The following NAALADL2 variants were observed in gnomAD, a reference collection of about 807,000 sequenced individuals.
NAALADL2 encodes inactive N-acetylated-alpha-linked acidic dipeptidase-like protein 2.
NAALADL2 carries 76 observed loss-of-function variants against 87.2 expected under a neutral mutation model. The ratio of observed to expected loss-of-function variants is 0.87; its 90% confidence interval spans 0.72 to 1.05. The LOEUF is 1.05. Among genes scored for constraint, NAALADL2 ranks in the 50% least tolerant of loss-of-function variants. NAALADL2 has a pLI of 0.00. For missense variants in NAALADL2, 1,089 were observed against 945.8 expected (o/e 1.15, Z -1.99); for synonymous variants, 354 against 331.0 (o/e 1.07, Z -0.75).
intron 2 of NAALADL2, among the ~76,000 whole-genome samples, chr3:174,610,296 A>G (rs961381990): frequency 3.3e-5 from 5 of 152,024 alleles, no homozygotes; most frequent in African/African-American, 7.2e-5. Context: ...AATAGCAACA[A>G]AAGACAAAAT....
chr3:175,304,326 C>A (rs1412671253), intron 4 of NAALADL2, among the ~76,000 whole-genome samples: 1 of 152,078 alleles, frequency 6.6e-6, no homozygotes, highest in African/African-American at 2.4e-5. Context: ...AACATACTGA[C>A]CCTTCTTTCT....
chr3:175,312,729 T>A lies in NAALADL2; in HGVS notation c.940-11446T>A, dbSNP rs923035189. Among the ~76,000 whole-genome samples, 47 of 152,126 alleles carry A rather than the reference T, an allele frequency of 3.1e-4. 2 individuals carry two copies. Among genetic ancestry groups the A allele is most frequent in the Admixed American group, 3.0e-3 (46 of 15,256 alleles). On this transcript the variant is annotated intron_variant, in intron 4 of 13. Transcript: ENST00000454872. ...TCCCTTAACCTTCATGAAGCACAATTTCAGTGACTGGATAAAGAGAATTAT... is the reference window on the plus strand; with the variant it reads ...TCCCTTAACCTTCATGAAGCACAATATCAGTGACTGGATAAAGAGAATTAT...
intron 1 of NAALADL2, among the ~76,000 whole-genome samples, chr3:174,931,679 T>C (rs1291129367): frequency 2.6e-5 from 4 of 152,082 alleles, no homozygotes; most frequent in Non-Finnish European, 5.9e-5. Context: ...GTTTGCTGGG[T>C]TGTAAGAACA....
At position 174,530,198 on chromosome 3, in the gene NAALADL2, G is replaced by A. The variant is rs539372830; in HGVS notation, c.-183-20371G>A. On this transcript the variant is annotated intron_variant, in intron 1 of 3. Coordinates refer to the NAALADL2 transcript ENST00000434257. Reference sequence around the variant, plus strand: ...AGATACTCTAAATTATCTCTCTCAAGTTCAAAGTTCCACAAATCTCTAGGA... The same window carrying A: ...AGATACTCTAAATTATCTCTCTCAAATTCAAAGTTCCACAAATCTCTAGGA... 2.6e-5 allele frequency among the ~76,000 whole-genome samples: 4 copies of A among 152,194 alleles called. No homozygotes were observed. The East Asian group carries it at 7.7e-4, about 29-fold the overall frequency.
chr3:174,637,802 T>C (rs549773595), intron 2 of NAALADL2, among the ~76,000 whole-genome samples: 21 of 152,256 alleles, frequency 1.4e-4, no homozygotes, highest in African/African-American at 4.6e-4. Flanking sequence ...TATCTGTATG[T>C]ACATATTTGG....
chr3:175,029,400 A>G (rs969501611), intron 1 of NAALADL2, among the ~76,000 whole-genome samples: 2 of 152,064 alleles, frequency 1.3e-5, no homozygotes, highest in African/African-American at 4.8e-5. Context: ...GTTTCTTGCC[A>G]AAGCTTGCAC....
chr3:175,179,034 C>A (rs1736080581), intron 2 of NAALADL2, among the ~76,000 whole-genome samples: 1 of 151,974 alleles, frequency 6.6e-6, no homozygotes. Flanking sequence ...GAAATGTCTA[C>A]CCTCCATGGT....
intron 5 of NAALADL2, among the ~76,000 whole-genome samples, chr3:175,346,226 CCA>C (rs760815447): frequency 3.6e-4 from 55 of 152,014 alleles, no homozygotes; most frequent in Non-Finnish European, 5.7e-4. Context: ...TGAAATTCTG[CCA>C]CACAGAGATA....
intron 2 of NAALADL2, among the ~76,000 whole-genome samples, chr3:174,585,198 T>C (rs1716570815): frequency 6.6e-6 from 1 of 152,158 alleles, no homozygotes; most frequent in Non-Finnish European, 1.5e-5. Flanking sequence ...CAGCGTAGGA[T>C]ATGCATCATA....
At chr3:175,379,780 C>T (rs1203109121) in intron 5 of NAALADL2, among the ~76,000 whole-genome samples, 1 of 152,070 alleles carries the variant, frequency 6.6e-6, no homozygotes, top group Non-Finnish European at 1.5e-5. Context: ...GGCTTATTAT[C>T]AAGGCTGTGA....
chr3:175,779,657 TTTGGGAATATC>T (rs766300422), intron 13 of NAALADL2, among the ~76,000 whole-genome samples: 2 of 152,156 alleles, frequency 1.3e-5, no homozygotes, highest in Non-Finnish European at 2.9e-5. Context: ...CAAATTAAGA[TTTGGGAATATC>T]ATGGGAATAC....
At chr3:174,718,973 T>C (rs1302933861) in intron 2 of NAALADL2, among the ~76,000 whole-genome samples, 1 of 152,154 alleles carries the variant, frequency 6.6e-6, no homozygotes. Context: ...CTGCTTCTGG[T>C]TGTTCTTGAA....
At position 174,885,048 on chromosome 3, in the gene NAALADL2, G is replaced by T. The variant is rs140545234; in HGVS notation, c.43+25598G>T. Among the ~76,000 whole-genome samples, 5 of 152,252 alleles carry T rather than the reference G, an allele frequency of 3.3e-5. No homozygotes were observed. In the East Asian group the frequency reaches 9.7e-4, roughly 29 times the overall value. On this transcript the variant is annotated intron_variant, in intron 1 of 13. Coordinates refer to ENST00000454872, the MANE Select transcript of NAALADL2 (RefSeq NM_207015.3). ...GAGTCAGGGAGGGGATGTTGCCTCTGCTGGGGATGGGGAAGTTGTTTCTTC... is the reference window on the plus strand; with the variant it reads ...GAGTCAGGGAGGGGATGTTGCCTCTTCTGGGGATGGGGAAGTTGTTTCTTC...
intron 5 of NAALADL2, among the ~76,000 whole-genome samples, chr3:175,437,954 G>T (rs927294879): frequency 6.6e-6 from 1 of 152,024 alleles, no homozygotes; most frequent in Non-Finnish European, 1.5e-5. Context: ...AGGGAGCATA[G>T]CAAGATGTTT....
At chr3:175,398,847 C>T (rs562676907) in intron 5 of NAALADL2, among the ~76,000 whole-genome samples, 4 of 151,762 alleles carry the variant, frequency 2.6e-5, no homozygotes, top group Admixed American at 6.6e-5. Context: ...ATAGGGGTCC[C>T]GATCCAGACC....
intron 4 of NAALADL2, among the ~76,000 whole-genome samples, chr3:175,305,681 C>T (rs1238319629): frequency 3.9e-5 from 6 of 152,048 alleles, no homozygotes; most frequent in Non-Finnish European, 1.5e-5. Context: ...CACCACCACG[C>T]CCGGCTAATT....
intron 2 of NAALADL2, among the ~76,000 whole-genome samples, chr3:175,115,565 T>C (rs1724983950): frequency 6.6e-6 from 1 of 151,720 alleles, no homozygotes; most frequent in Non-Finnish European, 1.5e-5. Context: ...AAGAGAATGC[T>C]ATTAAGCAGC....
At chr3:174,956,370 T>A (rs1461578006) in intron 1 of NAALADL2, among the ~76,000 whole-genome samples, 1 of 152,120 alleles carries the variant, frequency 6.6e-6, no homozygotes, top group African/African-American at 2.4e-5. Flanking sequence ...AATATTGTCA[T>A]TGGATGAAAC....
intron 3 of NAALADL2, among the ~76,000 whole-genome samples, chr3:174,820,079 T>C (rs1257810589): frequency 6.6e-6 from 1 of 152,102 alleles, no homozygotes; most frequent in African/African-American, 2.4e-5. Context: ...TCTCAGTAAT[T>C]TTCATGTATT....
Sources: gnomAD v4.1 joint callset for allele counts (sites outside exome capture counted in the v4.1 genomes callset) on GRCh38, gnomAD v4.1.1 for gene constraint, MANE v1.5 for transcripts, NCBI Gene and HGNC (gene_info 2026-07-23, HGNC 2026-07-21) for gene names.